The following CAPZA2 variants were observed in gnomAD, a reference collection of about 807,000 sequenced individuals.
The protein encoded by CAPZA2 is F-actin-capping protein subunit alpha-2.
A neutral mutation model predicts 44.0 loss-of-function variants in CAPZA2; 13 were observed. That is an observed-to-expected ratio of 0.30 (90% CI 0.19 to 0.47). The LOEUF (loss-of-function observed/expected upper bound fraction) is 0.47. Among genes scored for constraint, CAPZA2 ranks in the 20% least tolerant of loss-of-function variants. The probability of loss-of-function intolerance (pLI) is 1.00; values close to 1 mark genes in which losing one functional copy is unlikely to be tolerated. For missense variants in CAPZA2, 244 were observed against 338.6 expected (o/e 0.72, Z 2.19); for synonymous variants, 94 against 108.2 (o/e 0.87, Z 0.81).
intron 2 of CAPZA2, 41 bp from the exon 3 acceptor site, chr7:116,892,953 C>A: frequency 7.1e-7 from 1 of 1,399,470 alleles, no homozygotes; most frequent in Non-Finnish European, 1.0e-6. Context: ...ATTCTTGAAA[C>A]ATATAACAAT....
Position 116,888,148 on chromosome 7 carries a change from A to G in CAPZA2, c.61A>G (p.Ile21Val). 1 of 1,611,676 alleles carries G rather than the reference A, an allele frequency of 6.2e-7. No individual in the cohort carries two copies. Among genetic ancestry groups the G allele is most frequent in the East Asian group, 2.2e-5 (1 of 44,768 alleles). ...EEKVRIAAKFIIHAPPGEFNE... is the reference protein window; with the variant it reads ...EEKVRIAAKFVIHAPPGEFNE... Reference sequence around the variant, plus strand: ...TCAGGTGCGTATAGCAGCAAAATTCATCATTCATGCCCCTCCTGGAGAATT... The same window carrying G: ...TCAGGTGCGTATAGCAGCAAAATTCGTCATTCATGCCCCTCCTGGAGAATT... The change falls in exon 2 of 10, where the codon ATC becomes GTC. Residue 21 changes from isoleucine to valine, a missense_variant. Ile to Val is a conservative substitution (Grantham distance 29). Coordinates refer to ENST00000361183, the MANE Select transcript of CAPZA2 (RefSeq NM_006136.3).
chr7:116,902,322 A>G (rs1487495616), intron 4 of CAPZA2, among the ~76,000 whole-genome samples: 1 of 152,200 alleles, frequency 6.6e-6, no homozygotes, highest in African/African-American at 2.4e-5. Flanking sequence ...ACATTTTACT[A>G]TAAATGTTTT....
chr7:116,897,205 C>T (rs1160891408), intron 3 of CAPZA2, among the ~76,000 whole-genome samples: 1 of 152,030 alleles, frequency 6.6e-6, no homozygotes, highest in Non-Finnish European at 1.5e-5. Flanking sequence ...AAAATGAATC[C>T]AAAATTCTAA....
chr7:116,880,696 CTTTTTTTTTTTTTTTTTTTTTT>C (rs557434747), intron 1 of CAPZA2, among the ~76,000 whole-genome samples: 208 of 24,686 alleles, frequency 8.4e-3, no homozygotes, highest in African/African-American at 0.023. Context: ...TGTAACCTGC[CTTTTTTTTTTTTTTTTTTTTTT>C]TTTTTTTTTT....
At chr7:116,906,239 A>G (rs767318804) in intron 5 of CAPZA2, 24 bp from the exon 6 acceptor site, 3 of 1,603,872 alleles carry the variant, frequency 1.9e-6, no homozygotes, top group African/African-American at 2.7e-5. Context: ...ATTCATTCTT[A>G]TGCTTATTTT....
intron 1 of CAPZA2, among the ~76,000 whole-genome samples, chr7:116,878,467 G>A (rs916287733): frequency 6.6e-6 from 1 of 152,160 alleles, no homozygotes; most frequent in African/African-American, 2.4e-5. Context: ...TATAAGAGTT[G>A]AGAAATAATG....
At chr7:116,896,965 C>G (rs1198966132) in intron 3 of CAPZA2, among the ~76,000 whole-genome samples, 1 of 152,078 alleles carries the variant, frequency 6.6e-6, no homozygotes, top group African/African-American at 2.4e-5. Flanking sequence ...AGATGAGTAC[C>G]TTTTCCACTG....
At chr7:116,884,837 A>C (rs1215849101) in intron 1 of CAPZA2, among the ~76,000 whole-genome samples, 1 of 152,236 alleles carries the variant, frequency 6.6e-6, no homozygotes, top group Admixed American at 6.5e-5. Context: ...ACTGTTTTCC[A>C]TACTGGTTGA....
chr7:116,913,340 T>C (rs1215163260), intron 8 of CAPZA2, among the ~76,000 whole-genome samples: 3 of 151,094 alleles, frequency 2.0e-5, no homozygotes, highest in Non-Finnish European at 3.0e-5. Flanking sequence ...CTACCCAAGG[T>C]CGTGGAGATC....
intron 1 of CAPZA2, among the ~76,000 whole-genome samples, chr7:116,885,739 G>A (rs1796753664): frequency 1.3e-5 from 2 of 152,122 alleles, no homozygotes; most frequent in African/African-American, 4.8e-5. Context: ...ATAGGGTGAG[G>A]TATGGAGGAG....
chr7:116,886,494 A>G (rs1796763365), intron 1 of CAPZA2, among the ~76,000 whole-genome samples: 2 of 152,126 alleles, frequency 1.3e-5, no homozygotes, highest in Non-Finnish European at 2.9e-5. Flanking sequence ...ACATACACAA[A>G]CACACACAGC....
Position 116,918,154 on chromosome 7 carries a change from G to T in CAPZA2, c.*287G>T. ...TAGTTTATGGTTAAAAGTTTTTGAA[G>T]TGTCTCAAAAATATTTTACTAACTG... On this transcript the variant is annotated 3_prime_UTR_variant, in exon 10 of 10. Transcript: ENST00000361183. 1 of 252,130 alleles carries T rather than the reference G, an allele frequency of 4.0e-6. No homozygotes were observed. 15.6% of individuals were successfully genotyped at this position (252,130 alleles called of 1,614,324 possible).
intron 1 of CAPZA2, among the ~76,000 whole-genome samples, chr7:116,877,973 G>A (rs542500525): frequency 2.0e-5 from 3 of 152,168 alleles, no homozygotes; most frequent in Admixed American, 6.5e-5. Context: ...CAAATAAAAG[G>A]GGAATGGACT....
chr7:116,915,340 C>T (rs1791665989), intron 8 of CAPZA2: 1 of 151,654 alleles, frequency 6.6e-6, no homozygotes, highest in African/African-American at 2.4e-5. Context: ...AGAAATTTGT[C>T]CACAAGAGTA....
At position 116,919,868 on chromosome 7, in the gene CAPZA2, A is replaced by AAAAAAT. The variant is rs1554412842; in HGVS notation, c.*2003_*2004insAAATAA. The AAAAAAT allele has an allele frequency of 1.3e-5, 2 of 149,198 alleles. No individual in the cohort carries two copies. The highest frequency in any genetic ancestry group is 2.1e-4 in the South Asian group (1 of 4,676). 9.2% of individuals were successfully genotyped at this position (149,198 alleles called of 1,614,324 possible). On this transcript the variant is annotated 3_prime_UTR_variant, in exon 10 of 10. Coordinates refer to ENST00000361183, the MANE Select transcript of CAPZA2 (RefSeq NM_006136.3). ...TGACAGAGCAAGACTCTGTCTCAAA[A>AAAAAAT]AATAATAATAATAATAATAATAATA...
chr7:116,891,336 TTGA>T (rs1796844179), intron 2 of CAPZA2, among the ~76,000 whole-genome samples: 1 of 152,230 alleles, frequency 6.6e-6, no homozygotes, highest in South Asian at 2.1e-4. Context: ...GTTTAAACTA[TTGA>T]TGATAAATTT....
At chr7:116,892,943 A>T (rs540436981) in intron 2 of CAPZA2, 51 bp from the exon 3 acceptor site, 12 of 1,338,978 alleles carry the variant, frequency 9.0e-6, no homozygotes, top group Non-Finnish European at 1.3e-5. Flanking sequence ...CGTTCATTAC[A>T]TTCTTGAAAC....
chr7:116,895,386 T>A (rs540952130), intron 3 of CAPZA2, among the ~76,000 whole-genome samples: 1 of 152,256 alleles, frequency 6.6e-6, no homozygotes, highest in Non-Finnish European at 1.5e-5. Context: ...AGATTTAATT[T>A]AAATAAATTA....
intron 6 of CAPZA2, among the ~76,000 whole-genome samples, chr7:116,907,930 A>G (rs1003867313): frequency 6.6e-6 from 1 of 152,184 alleles, no homozygotes; most frequent in African/African-American, 2.4e-5. Context: ...CCATAGTGAT[A>G]ATATCATGGC....
Sources: gnomAD v4.1 joint callset for allele counts (sites outside exome capture counted in the v4.1 genomes callset) on GRCh38, gnomAD v4.1.1 for gene constraint, MANE v1.5 for transcripts, NCBI Gene and HGNC (gene_info 2026-07-23, HGNC 2026-07-21) for gene names.